GAB2: variants seen among roughly 807,000 people sequenced by gnomAD.
The protein encoded by GAB2 is GRB2 associated binding protein 2, also known as GRB2-associated-binding protein 2.
Under a neutral mutation model 65.5 loss-of-function variants are expected in GAB2, and 26 were observed. The observed-to-expected ratio is 0.40, with a 90% confidence interval of 0.29 to 0.55. GAB2 has a LOEUF of 0.55. Ranked by LOEUF, GAB2 falls within the 20% of genes least tolerant of loss-of-function variation. The pLI, the probability that GAB2 is intolerant of heterozygous loss-of-function variation, is 0.53. For missense variants in GAB2, 884 were observed against 875.8 expected, an observed-to-expected ratio of 1.01 and a Z score of -0.12; for synonymous variants, 321 against 329.6, an observed-to-expected ratio of 0.97 and a Z score of 0.28.
intron 2 of GAB2, among the ~76,000 whole-genome samples, chr11:78,273,886 T>C (rs562242614): frequency 5.9e-5 from 9 of 152,296 alleles, no homozygotes; most frequent in African/African-American, 1.7e-4. Flanking sequence ...AGTTCCCCTG[T>C]AAGAGCTCTC....
chr11:78,316,852 A>G (rs1855617943), intron 1 of GAB2, among the ~76,000 whole-genome samples: 1 of 152,380 alleles, frequency 6.6e-6, no homozygotes, highest in African/African-American at 2.4e-5. Flanking sequence ...TCATTGCAGC[A>G]TTAGTCAGAA....
chr11:78,219,528 C>G, intron 9 of GAB2, 113 bp from the exon 10 acceptor site: 1 of 944,924 alleles, frequency 1.1e-6, no homozygotes, highest in Non-Finnish European at 1.7e-6. Flanking sequence ...AGAGCATGGC[C>G]TCTGCCTGCC....
At chr11:78,339,406 A>G (rs750856756) in intron 1 of GAB2, among the ~76,000 whole-genome samples, 5 of 152,194 alleles carry the variant, frequency 3.3e-5, no homozygotes, top group Non-Finnish European at 5.9e-5. Context: ...TTTTCATACA[A>G]TAGACAAGTG....
In GAB2 at chr11:78,226,756, A is replaced by T. The variant is rs1002431341; in HGVS notation, c.916T>A (p.Phe306Ile). 5 of 1,613,434 alleles carry T rather than the reference A, an allele frequency of 3.1e-6. No individual in the cohort carries two copies. In the African/African-American group the frequency reaches 5.4e-5, roughly 17 times the overall value. Residue 306 changes from phenylalanine (F) to isoleucine (I), a missense_variant, in exon 4 of 10, where the codon TTC (phenylalanine) becomes ATC (isoleucine). Physicochemically the swap from Phe to Ile is conservative, Grantham distance 21. Transcript: ENST00000361507. ...KTPSNTLCRE[F>I]GDLLVDNMDV... ...ATATTGTCTACCAGGAGGTCCCCGAACTCCCTGCACAGGGTGTTGCTGGGC... is the reference window on the plus strand; with the variant it reads ...ATATTGTCTACCAGGAGGTCCCCGATCTCCCTGCACAGGGTGTTGCTGGGC...
intron 1 of GAB2, among the ~76,000 whole-genome samples, chr11:78,306,540 C>T (rs148122208): frequency 1.2e-4 from 19 of 152,296 alleles, no homozygotes; most frequent in African/African-American, 4.1e-4. Context: ...CCCCTATATA[C>T]TTTCTTAAGC....
At chr11:78,264,053 C>T (rs758189537) in intron 2 of GAB2, among the ~76,000 whole-genome samples, 5 of 152,230 alleles carry the variant, frequency 3.3e-5, no homozygotes, top group Middle Eastern at 3.4e-3. Context: ...AACATTGTAA[C>T]TGAAAAAGGT....
chr11:78,399,979 T>A (rs936242772), intron 1 of GAB2, among the ~76,000 whole-genome samples: 4 of 152,322 alleles, frequency 2.6e-5, no homozygotes, highest in Admixed American at 1.3e-4. Flanking sequence ...ATTGTCAATA[T>A]ACACTGACAT....
rs905799244 is a variant in GAB2, at chr11:78,216,328, C to G, written c.*2944G>C. On this transcript the variant is annotated 3_prime_UTR_variant, in exon 10 of 10. Transcript: ENST00000361507. ...GCTGAGTGGGAAGGTATCCCCTTTCCGTAGGCTCAGTCCTCTCCAGGCCCC... is the reference window on the plus strand; with the variant it reads ...GCTGAGTGGGAAGGTATCCCCTTTCGGTAGGCTCAGTCCTCTCCAGGCCCC... 2.0e-5 allele frequency: 3 copies of G among 152,136 alleles called. No homozygotes were observed. Among genetic ancestry groups the G allele is most frequent in the African/African-American group, 4.8e-5 (2 of 41,426 alleles). 9.4% of individuals were successfully genotyped at this position (152,136 alleles called of 1,614,324 possible). A position where few individuals can be genotyped will look rare whatever the true frequency, so the allele number is the denominator to read the frequency against.
chr11:78,361,183 C>A (rs1423795295), intron 1 of GAB2, among the ~76,000 whole-genome samples: 1 of 152,020 alleles, frequency 6.6e-6, no homozygotes, highest in Non-Finnish European at 1.5e-5. Flanking sequence ...CAAAGTTGAA[C>A]CTGTACCTCT....
At chr11:78,273,732 A>G (rs1488614322) in intron 2 of GAB2, among the ~76,000 whole-genome samples, 1 of 152,178 alleles carries the variant, frequency 6.6e-6, no homozygotes, top group African/African-American at 2.4e-5. Context: ...GCAGGGGCAG[A>G]ATGACATGGT....
At position 78,282,270 on chromosome 11, in the gene GAB2, T is replaced by TGCGTTCA. The variant is rs947632198; in HGVS notation, c.76-1376_76-1370dup. Among the ~76,000 whole-genome samples the TGCGTTCA allele has an allele frequency of 1.7e-4, 26 of 152,220 alleles. No individual in the cohort carries two copies. The East Asian group carries it at 4.2e-3, about 25-fold the overall frequency. On this transcript the variant is annotated intron_variant, in intron 1 of 9. Coordinates refer to ENST00000361507, the MANE Select transcript of GAB2 (RefSeq NM_080491.3). ...ACAAAGACTACATATAACAGAAATC[T>TGCGTTCA]GCGTTCAGTCTATGCTTTACCATTG...
At chr11:78,248,783 T>A (rs1182511377) in intron 3 of GAB2, among the ~76,000 whole-genome samples, 1 of 152,214 alleles carries the variant, frequency 6.6e-6, no homozygotes, top group Non-Finnish European at 1.5e-5. Flanking sequence ...TAAAAGAACC[T>A]GAATTTGAAC....
intron 1 of GAB2, among the ~76,000 whole-genome samples, chr11:78,329,322 C>T (rs2134674651): frequency 6.6e-6 from 1 of 152,230 alleles, no homozygotes; most frequent in Non-Finnish European, 1.5e-5. Context: ...AAATCCCTTA[C>T]ACTTAACTTT....
chr11:78,368,361 T>C (rs1012624517), intron 1 of GAB2, among the ~76,000 whole-genome samples: 4 of 152,254 alleles, frequency 2.6e-5, no homozygotes, highest in Non-Finnish European at 4.4e-5. Context: ...TATTTAGAAA[T>C]ATAGTAAACT....
chr11:78,319,749 C>T (rs115466699), intron 1 of GAB2, among the ~76,000 whole-genome samples: 2,640 of 152,294 alleles, frequency 0.017, 89 homozygotes, highest in African/African-American at 0.062. Flanking sequence ...AATTAACTTA[C>T]ACATTTATTA....
At chr11:78,292,647 T>G (rs1348039733) in intron 1 of GAB2, among the ~76,000 whole-genome samples, 1 of 152,166 alleles carries the variant, frequency 6.6e-6, no homozygotes, top group Non-Finnish European at 1.5e-5. Flanking sequence ...ACAGCAAACA[T>G]TACAAGAGTA....
chr11:78,365,922 A>C (rs1303871503), intron 1 of GAB2, among the ~76,000 whole-genome samples: 2 of 152,228 alleles, frequency 1.3e-5, no homozygotes, highest in African/African-American at 2.4e-5. Context: ...TTCAGCCACT[A>C]ACTGGCAAAG....
intron 1 of GAB2, among the ~76,000 whole-genome samples, chr11:78,326,350 G>A (rs901753421): frequency 2.0e-5 from 3 of 152,098 alleles, no homozygotes; most frequent in African/African-American, 7.2e-5. Context: ...ATTACTTAAG[G>A]TCACACTGAG....
chr11:78,278,271 T>C (rs1180647314), intron 2 of GAB2, among the ~76,000 whole-genome samples: 3 of 152,014 alleles, frequency 2.0e-5, no homozygotes, highest in Admixed American at 1.3e-4. Context: ...GGTTTCGCCA[T>C]GTTGGCCAGG....
Sources: allele counts gnomAD v4.1 joint callset (sites outside exome capture counted in the v4.1 genomes callset), GRCh38; gene constraint gnomAD v4.1.1; transcripts MANE v1.5; gene names NCBI Gene and HGNC (gene_info 2026-07-23, HGNC 2026-07-21).